Variants in DYNC1I1 observed in about 807,000 individuals in gnomAD.
The protein encoded by DYNC1I1 is dynein cytoplasmic 1 intermediate chain 1, also known as cytoplasmic dynein 1 intermediate chain 1.
In DYNC1I1, 43 loss-of-function variants were observed where a neutral mutation model predicts 86.6. The ratio of observed to expected loss-of-function variants is 0.50; its 90% CI spans 0.39 to 0.64. The LOEUF is 0.64. Ranked by LOEUF, DYNC1I1 falls within the 30% of genes least tolerant of loss-of-function variation. The pLI, the probability that DYNC1I1 is intolerant of heterozygous loss-of-function variation, is 0.00. For synonymous variants in DYNC1I1, 262 were observed against 283.7 expected (o/e 0.92, Z 0.77); for missense variants, 604 against 788.8 (o/e 0.77, Z 2.81).
chr7:96,056,709 G>C (rs986283082), intron 14 of DYNC1I1, among the ~76,000 whole-genome samples: 6 of 151,802 alleles, frequency 4.0e-5, no homozygotes, highest in Non-Finnish European at 8.8e-5. Context: ...TCTATATATA[G>C]TATATGCATA....
chr7:96,034,396 A>T (rs1488104868), intron 12 of DYNC1I1, among the ~76,000 whole-genome samples: 1 of 152,166 alleles, frequency 6.6e-6, no homozygotes, highest in Admixed American at 6.6e-5. Context: ...TTAGGTTAAA[A>T]CCAGTAATAT....
chr7:95,903,830 A>G (rs1791103669), intron 6 of DYNC1I1, among the ~76,000 whole-genome samples: 1 of 152,116 alleles, frequency 6.6e-6, no homozygotes, highest in Non-Finnish European at 1.5e-5. Flanking sequence ...CAGAATTTGA[A>G]TCTCTGTTTG....
chr7:96,033,878 C>A (rs1794870804), intron 12 of DYNC1I1, among the ~76,000 whole-genome samples: 2 of 152,136 alleles, frequency 1.3e-5, no homozygotes, highest in South Asian at 4.2e-4. Flanking sequence ...GGTGTGCTAG[C>A]ACATGTCTGT....
chr7:95,897,085 A>G (rs960943156), intron 6 of DYNC1I1, among the ~76,000 whole-genome samples: 1 of 152,206 alleles, frequency 6.6e-6, no homozygotes, highest in Admixed American at 6.5e-5. Context: ...GCCAGGGCCT[A>G]TGGAATTTTA....
At chr7:95,865,793 G>A (rs1318274923) in intron 5 of DYNC1I1, among the ~76,000 whole-genome samples, 1 of 152,176 alleles carries the variant, frequency 6.6e-6, no homozygotes, top group African/African-American at 2.4e-5. Context: ...TAGCCTAGAC[G>A]TATAGTAGGC....
rs560327322 is a variant in DYNC1I1 at position 96,022,773 on chromosome 7, G to A, written c.970-5402G>A. Reference sequence around the variant, plus strand: ...CCAGCTACTCAGGAGGCTGAGACAGGAGGATCACTTGAGCCTGGGAGCTCA... The same window carrying A: ...CCAGCTACTCAGGAGGCTGAGACAGAAGGATCACTTGAGCCTGGGAGCTCA... On this transcript the variant is annotated intron_variant, in intron 10 of 16. Transcript: ENST00000447467. 4.6e-5 allele frequency among the ~76,000 whole-genome samples: 7 copies of A among 152,120 alleles called. No individual in the cohort carries two copies. The South Asian group carries it at 1.4e-3, about 32-fold the overall frequency.
chr7:95,997,584 T>TGC (rs1491421607), intron 10 of DYNC1I1, among the ~76,000 whole-genome samples: 2 of 31,668 alleles, frequency 6.3e-5, no homozygotes, highest in African/African-American at 2.9e-4. Context: ...AGGGCATTCT[T>TGC]GTGTGTGTGT....
intron 16 of DYNC1I1, among the ~76,000 whole-genome samples, chr7:96,104,069 T>C (rs1791178346): frequency 6.6e-6 from 1 of 152,228 alleles, no homozygotes; most frequent in African/African-American, 2.4e-5. Context: ...CGTGTGATTA[T>C]TGGCCACATT....
In DYNC1I1 at chr7:96,080,366, C is replaced by G; in HGVS notation, c.1654C>G (p.Pro552Ala). The G allele has an allele frequency of 6.2e-7, 1 of 1,602,126 alleles. No individual in the cohort carries two copies. Among genetic ancestry groups the G allele is most frequent in the Non-Finnish European group, 8.5e-7 (1 of 1,175,282 alleles). ...LWNLNNDTEVPTASVAIEGAS... is the reference protein window; with the variant it reads ...LWNLNNDTEVATASVAIEGAS... ...TCTGTTGTGAACCCTTTGGCAGGTT[C>G]CAACAGCAAGTGTGGCCATTGAGGG... The change falls in exon 16 of 17, where the codon CCA (proline) becomes GCA (alanine). Residue 552 changes from proline to alanine, a missense_variant. Transcript: ENST00000447467.
At chr7:95,860,081 T>G (rs527838615) in intron 5 of DYNC1I1, among the ~76,000 whole-genome samples, 55 of 152,358 alleles carry the variant, frequency 3.6e-4, no homozygotes, top group African/African-American at 1.3e-3. Context: ...GGTATTTTCA[T>G]GCACGGTTAT....
chr7:95,778,244 A>G (rs147042979), intron 1 of DYNC1I1, among the ~76,000 whole-genome samples: 1 of 152,360 alleles, frequency 6.6e-6, no homozygotes, highest in Non-Finnish European at 1.5e-5. Context: ...GAATAATTCT[A>G]CAACCACAGG....
chr7:95,995,164 G>A (rs376290320), intron 9 of DYNC1I1, among the ~76,000 whole-genome samples: 122 of 152,034 alleles, frequency 8.0e-4, no homozygotes, highest in South Asian at 1.2e-3. Context: ...GGAGAATGGC[G>A]TGAACCCCTG....
chr7:96,101,964 G>T (rs1181358666), downstream of DYNC1I1, among the ~76,000 whole-genome samples: 4 of 151,954 alleles, frequency 2.6e-5, no homozygotes, highest in Admixed American at 2.6e-4. Flanking sequence ...AACCCAGTAT[G>T]CCCCCTTTAT....
At chr7:95,873,052 A>G (rs981464096) in intron 6 of DYNC1I1, among the ~76,000 whole-genome samples, 6 of 152,182 alleles carry the variant, frequency 3.9e-5, no homozygotes, top group African/African-American at 1.2e-4. Context: ...GAATTTCTTA[A>G]TCTGCTGGAA....
At chr7:95,859,217 T>C (rs776835666) in intron 5 of DYNC1I1, among the ~76,000 whole-genome samples, 2 of 151,908 alleles carry the variant, frequency 1.3e-5, no homozygotes, top group Admixed American at 6.6e-5. Context: ...ATTGTTTTCC[T>C]TATTTCATTG....
intron 5 of DYNC1I1, among the ~76,000 whole-genome samples, chr7:95,829,019 G>A (rs1245429021): frequency 6.6e-6 from 1 of 152,130 alleles, no homozygotes; most frequent in African/African-American, 2.4e-5. Flanking sequence ...AGCATTTACC[G>A]ACAGAGCACT....
intron 6 of DYNC1I1, among the ~76,000 whole-genome samples, chr7:95,938,398 C>A (rs1792106709): frequency 6.6e-6 from 1 of 152,128 alleles, no homozygotes; most frequent in African/African-American, 2.4e-5. Flanking sequence ...TAAAGAATTT[C>A]TTTTCATGTT....
chr7:95,926,406 AC>A (rs1791746317), intron 6 of DYNC1I1, among the ~76,000 whole-genome samples: 1 of 152,200 alleles, frequency 6.6e-6, no homozygotes, highest in African/African-American at 2.4e-5. Context: ...TAAATACATT[AC>A]AAAAATGTAT....
At chr7:95,815,217 A>G (rs1474199039) in intron 4 of DYNC1I1, among the ~76,000 whole-genome samples, 2 of 152,002 alleles carry the variant, frequency 1.3e-5, no homozygotes, top group Non-Finnish European at 1.5e-5. Context: ...ATTACTCTTT[A>G]TTTCTTTCTC....
Sources: gnomAD v4.1 joint callset for allele counts (sites outside exome capture counted in the v4.1 genomes callset) on GRCh38, gnomAD v4.1.1 for gene constraint, MANE v1.5 for transcripts, NCBI Gene and HGNC (gene_info 2026-07-23, HGNC 2026-07-21) for gene names.